ANO6: variants seen among roughly 807,000 people sequenced by gnomAD.
ANO6 encodes anoctamin-6.
A neutral mutation model predicts 117.5 loss-of-function variants in ANO6; 106 were observed. That is an observed-to-expected ratio of 0.90 (90% CI 0.77 to 1.06). The LOEUF (loss-of-function observed/expected upper bound fraction) is 1.06. Ranked by LOEUF, ANO6 falls within the 50% of genes least tolerant of loss-of-function variation. The probability of loss-of-function intolerance (pLI) is 0.00; values close to 1 mark genes in which losing one functional copy is unlikely to be tolerated. For missense variants in ANO6, 955 were observed against 1,121.1 expected (o/e 0.85, Z 2.12); for synonymous variants, 367 against 385.1 (o/e 0.95, Z 0.55).
At position 45,424,566 on chromosome 12, in the gene ANO6, A is replaced by T. The variant is rs544415670; in HGVS notation, c.2526+1504A>T. On this transcript the variant is annotated intron_variant, in intron 19 of 19. Coordinates refer to ENST00000320560, the MANE Select transcript of ANO6 (RefSeq NM_001025356.3). The stretch of plus-strand genomic sequence containing the variant: ...TGGCCAGGCTGGTCTCAAACTCCTG[A>T]CCTCAAGTGATCTGCCCTCCTCGGC... Among the ~76,000 whole-genome samples the T allele has an allele frequency of 4.9e-4, 75 of 151,948 alleles. No individual in the cohort carries two copies. In the Middle Eastern group the frequency reaches 0.01, roughly 21 times the overall value.
At chr12:45,391,768 C>T (rs545766256) in intron 12 of ANO6, among the ~76,000 whole-genome samples, 2 of 151,906 alleles carry the variant, frequency 1.3e-5, no homozygotes, top group Non-Finnish European at 2.9e-5. Flanking sequence ...CTGAGGCAGG[C>T]GAATTGCTTG....
At chr12:45,348,468 T>C in intron 5 of ANO6, 50 bp from the exon 6 acceptor site, 1 of 1,539,238 alleles carries the variant, frequency 6.5e-7, no homozygotes, top group Non-Finnish European at 9.0e-7. Flanking sequence ...ATGATTGGAT[T>C]GGTTAATTAC....
intron 8 of ANO6, among the ~76,000 whole-genome samples, chr12:45,360,555 A>G (rs975971847): frequency 4.6e-5 from 7 of 152,176 alleles, no homozygotes; most frequent in African/African-American, 1.7e-4. Context: ...CTCCCATTCT[A>G]TGGATTGTGT....
intron 1 of ANO6, among the ~76,000 whole-genome samples, chr12:45,239,441 A>G (rs1051918279): frequency 1.3e-5 from 2 of 151,110 alleles, no homozygotes; most frequent in African/African-American, 4.9e-5. Context: ...TTTCTTCTTG[A>G]TTAGTCTTGC....
chr12:45,266,805 A>AGTGTGTGTGT (rs57682251), intron 1 of ANO6, among the ~76,000 whole-genome samples: 1,552 of 145,742 alleles, frequency 0.011, 10 homozygotes, highest in Middle Eastern at 0.031. Flanking sequence ...TCAAAAAACA[A>AGTGTGTGTGT]GTGTGTGTGT....
At chr12:45,371,598 C>A (rs1425012010) in intron 9 of ANO6, among the ~76,000 whole-genome samples, 1 of 152,046 alleles carries the variant, frequency 6.6e-6, no homozygotes, top group Non-Finnish European at 1.5e-5. Context: ...CCAGCAGGGG[C>A]ACACTGACAC....
At chr12:45,351,284 T>C (rs1353141260) in intron 7 of ANO6, among the ~76,000 whole-genome samples, 1 of 152,234 alleles carries the variant, frequency 6.6e-6, no homozygotes, top group East Asian at 1.9e-4. Flanking sequence ...GTAGTTTCTA[T>C]TGTATGGTAA....
At chr12:45,279,959 A>G (rs541558690) in intron 1 of ANO6, among the ~76,000 whole-genome samples, 1 of 152,360 alleles carries the variant, frequency 6.6e-6, no homozygotes, top group African/African-American at 2.4e-5. Context: ...AGCTGTTAAA[A>G]GGTTAAAAAT....
intron 1 of ANO6, among the ~76,000 whole-genome samples, chr12:45,298,420 CTA>C (rs1162892049): frequency 6.6e-6 from 1 of 152,104 alleles, no homozygotes; most frequent in African/African-American, 2.4e-5. Context: ...TTGATTTTGA[CTA>C]TTTTATTTTT....
At chr12:45,319,992 T>A (rs1289662049) in intron 2 of ANO6, among the ~76,000 whole-genome samples, 2 of 152,330 alleles carry the variant, frequency 1.3e-5, no homozygotes, top group Admixed American at 1.3e-4. Context: ...ATCGTGTCTA[T>A]TTGATTCTTC....
At chr12:45,400,999 G>A (rs1006464372) in intron 12 of ANO6, among the ~76,000 whole-genome samples, 1 of 152,194 alleles carries the variant, frequency 6.6e-6, no homozygotes, top group African/African-American at 2.4e-5. Flanking sequence ...TGAGAAATCT[G>A]CTTACTGAGA....
chr12:45,373,850 AT>A (rs1941920574), intron 9 of ANO6, among the ~76,000 whole-genome samples: 1 of 152,198 alleles, frequency 6.6e-6, no homozygotes, highest in Non-Finnish European at 1.5e-5. Flanking sequence ...AAGGCAAGAA[AT>A]AACTAAAATC....
At chr12:45,323,616 C>A (rs1940355865) in intron 2 of ANO6, among the ~76,000 whole-genome samples, 1 of 152,206 alleles carries the variant, frequency 6.6e-6, no homozygotes, top group Admixed American at 6.5e-5. Context: ...TTAATCTTCA[C>A]AATTACCCTG....
chr12:45,409,246 A>C, intron 15 of ANO6, 111 bp from the exon 16 acceptor site: 1 of 1,419,956 alleles, frequency 7.0e-7, no homozygotes. Context: ...GCAAACAAAA[A>C]AATAGTTTAT....
chr12:45,355,999 T>C (rs1352837849), intron 7 of ANO6, among the ~76,000 whole-genome samples: 1 of 152,186 alleles, frequency 6.6e-6, no homozygotes, highest in Non-Finnish European at 1.5e-5. Context: ...GAGTCATTCT[T>C]GGGGAATATC....
At chr12:45,300,054 T>C (rs1939429767) in intron 1 of ANO6, among the ~76,000 whole-genome samples, 1 of 152,194 alleles carries the variant, frequency 6.6e-6, no homozygotes, top group African/African-American at 2.4e-5. Flanking sequence ...ACTGAATGTT[T>C]CTAGATCAAT....
At chr12:45,316,779 A>G (rs1431667667) in intron 2 of ANO6, among the ~76,000 whole-genome samples, 1 of 151,394 alleles carries the variant, frequency 6.6e-6, no homozygotes, top group African/African-American at 2.4e-5. Context: ...ATATATATGT[A>G]TTATACTATT....
At chr12:45,218,914 T>C (rs76415466) in intron 1 of ANO6, among the ~76,000 whole-genome samples, 118 of 152,344 alleles carry the variant, frequency 7.7e-4, no homozygotes, top group African/African-American at 2.8e-3. Context: ...GAAATCCCTC[T>C]ATTAATATTA....
rs758512262 is a variant in ANO6, at chr12:45,350,684, A to T, written c.773A>T (p.Asp258Val). The stretch of plus-strand genomic sequence containing the variant: ...TGCAAATTCCGCCGTCAGTCAGAGG[A>T]TCCCAGCTGCCCTAATGAACGGTAC... ...HDCKFRRQSEDPSCPNERYLL... is the reference protein window; with the variant it reads ...HDCKFRRQSEVPSCPNERYLL... The change falls in exon 7 of 20, where the codon GAT (aspartate) becomes GTT (valine). Residue 258 changes from aspartate (D) to valine (V), a missense_variant. Transcript: ENST00000320560. 14 of 1,613,686 alleles carry T rather than the reference A, an allele frequency of 8.7e-6. No individual in the cohort carries two copies. In the African/African-American group the frequency reaches 1.6e-4, roughly 18 times the overall value.
Sources: allele counts gnomAD v4.1 joint callset (sites outside exome capture counted in the v4.1 genomes callset), GRCh38; gene constraint gnomAD v4.1.1; transcripts MANE v1.5; gene names NCBI Gene and HGNC (gene_info 2026-07-23, HGNC 2026-07-21).